FER1L6: variants seen among roughly 807,000 people sequenced by gnomAD.
FER1L6 encodes the protein fer-1-like protein 6.
A neutral mutation model predicts 219.2 loss-of-function variants in FER1L6; 177 were observed. That is an observed-to-expected ratio of 0.81 (90% CI 0.71 to 0.91). The LOEUF (loss-of-function observed/expected upper bound fraction) is 0.91, where lower values mean the gene tolerates loss of function less well. Among genes scored for constraint, FER1L6 ranks in the 40% least tolerant of loss-of-function variants. FER1L6 has a pLI of 0.00. For synonymous variants in FER1L6, 768 were observed against 824.3 expected, an observed-to-expected ratio of 0.93 and a Z score of 1.17; for missense variants, 2,153 against 2,259.9, an observed-to-expected ratio of 0.95 and a Z score of 0.96.
At chr8:124,054,619 A>G (rs1820198868) in intron 22 of FER1L6, among the ~76,000 whole-genome samples, 1 of 152,290 alleles carries the variant, frequency 6.6e-6, no homozygotes, top group South Asian at 2.1e-4. Flanking sequence ...CTCACATTTT[A>G]GCTGCATGGT....
Position 124,082,314 on chromosome 8 carries a change from CAA to C in FER1L6, c.4250_4251del (p.Lys1417ArgfsTer10). ...TCATTTGAGATCCAAGCCACATTCCCAAAAGAGTCCCTGCTCTCCATCCTGAT... is the reference window on the plus strand; with the variant it reads ...TCATTTGAGATCCAAGCCACATTCCCAAGAGTCCCTGCTCTCCATCCTGAT... On this transcript the variant is annotated frameshift_variant, in exon 33 of 41. Coordinates refer to ENST00000522917, the MANE Select transcript of FER1L6 (RefSeq NM_001039112.2). LOFTEE classifies it high-confidence loss of function. 1 of 1,613,426 alleles carries C rather than the reference CAA, an allele frequency of 6.2e-7. No homozygotes were observed. Among genetic ancestry groups the C allele is most frequent in the Non-Finnish European group, 8.5e-7 (1 of 1,179,680 alleles).
intron 1 of FER1L6, among the ~76,000 whole-genome samples, chr8:123,909,921 A>G (rs923243310): frequency 2.0e-5 from 3 of 152,206 alleles, no homozygotes; most frequent in East Asian, 1.9e-4. Flanking sequence ...TTCCTCATCA[A>G]TCAGGACTTT....
At chr8:124,035,578 T>C in intron 19 of FER1L6, 124 bp downstream of exon 19, 2 of 897,842 alleles carry the variant, frequency 2.2e-6, no homozygotes, top group South Asian at 1.9e-5. Context: ...ATTGGTCTTC[T>C]TAAGTAAAGT....
chr8:124,103,690 G>A (rs1488870413), intron 39 of FER1L6, among the ~76,000 whole-genome samples: 1 of 152,188 alleles, frequency 6.6e-6, no homozygotes, highest in Non-Finnish European at 1.5e-5. Flanking sequence ...AGCAGGAGAA[G>A]CCATTTATCC....
At chr8:124,080,957 TAC>T (rs1221865444) in intron 32 of FER1L6, among the ~76,000 whole-genome samples, 2 of 152,328 alleles carry the variant, frequency 1.3e-5, no homozygotes, top group African/African-American at 4.8e-5. Flanking sequence ...TTCTGTCAGT[TAC>T]AGTCACTGGA....
intron 31 of FER1L6, among the ~76,000 whole-genome samples, chr8:124,072,161 A>AGCAGGAAACT (rs1362600793): frequency 6.6e-6 from 1 of 152,228 alleles, no homozygotes. Flanking sequence ...ATAGGAGGGA[A>AGCAGGAAACT]GCAGGAAACT....
intron 1 of FER1L6, among the ~76,000 whole-genome samples, chr8:123,913,788 A>G (rs1299319106): frequency 6.6e-6 from 1 of 152,158 alleles, no homozygotes; most frequent in Non-Finnish European, 1.5e-5. Context: ...AACAAAATGC[A>G]ATTAAAAGTG....
chr8:123,898,771 G>A (rs147826440), intron 1 of FER1L6, among the ~76,000 whole-genome samples: 967 of 78,536 alleles, frequency 0.012, 45 homozygotes, highest in Admixed American at 0.087. Context: ...ATATATATGT[G>A]TATATATACG....
At chr8:123,974,461 C>G (rs933501191) in intron 7 of FER1L6, among the ~76,000 whole-genome samples, 1 of 151,640 alleles carries the variant, frequency 6.6e-6, no homozygotes, top group Non-Finnish European at 1.5e-5. Context: ...TATGGTGAAG[C>G]CCCATCTCTA....
At chr8:123,893,983 A>G (rs1295896827) in intron 1 of FER1L6, among the ~76,000 whole-genome samples, 1 of 152,194 alleles carries the variant, frequency 6.6e-6, no homozygotes, top group Non-Finnish European at 1.5e-5. Flanking sequence ...CTCAGCATGA[A>G]GCAGCCAGAA....
chr8:123,995,446 C>T (rs540054547), intron 12 of FER1L6, among the ~76,000 whole-genome samples: 2 of 152,190 alleles, frequency 1.3e-5, no homozygotes, highest in South Asian at 4.2e-4. Flanking sequence ...TCTAGGTTTT[C>T]CAATGTATTG....
intron 1 of FER1L6, among the ~76,000 whole-genome samples, chr8:123,894,331 A>G (rs183960822): frequency 6.6e-6 from 1 of 152,286 alleles, no homozygotes; most frequent in Admixed American, 6.5e-5. Flanking sequence ...TTGGTCAGGA[A>G]GATGGATTTG....
intron 1 of FER1L6, among the ~76,000 whole-genome samples, chr8:123,881,619 C>T (rs1246318165): frequency 6.6e-6 from 1 of 152,090 alleles, no homozygotes; most frequent in Non-Finnish European, 1.5e-5. Flanking sequence ...CATCCTTAGA[C>T]CCACACAAAG....
chr8:124,115,866 T>C (rs1823224145), intron 39 of FER1L6, among the ~76,000 whole-genome samples: 1 of 152,208 alleles, frequency 6.6e-6, no homozygotes, highest in Non-Finnish European at 1.5e-5. Context: ...TATTCACAAG[T>C]CCTATTCACT....
Position 123,932,398 on chromosome 8 carries a change from C to T in FER1L6, c.-7-23594C>T, listed in dbSNP as rs543911233. Among the ~76,000 whole-genome samples, 238 of 152,294 alleles carry T rather than the reference C, an allele frequency of 1.6e-3. 2 individuals are homozygous for T. The highest frequency in any genetic ancestry group is 5.2e-3 in the African/African-American group (215 of 41,544). Reference sequence around the variant, plus strand: ...TGCTGGGATTACAGGTGTGAGCCACCGTGCCAGGCTCCGTATTTATTCTTA... The same window carrying T: ...TGCTGGGATTACAGGTGTGAGCCACTGTGCCAGGCTCCGTATTTATTCTTA... On this transcript the variant is annotated intron_variant, in intron 1 of 40. Coordinates refer to ENST00000522917, the MANE Select transcript of FER1L6 (RefSeq NM_001039112.2).
intron 31 of FER1L6, among the ~76,000 whole-genome samples, chr8:124,073,371 T>C (rs2130879539): frequency 6.6e-6 from 1 of 152,336 alleles, no homozygotes; most frequent in Non-Finnish European, 1.5e-5. Context: ...AGTCAGAAGA[T>C]GGCAGTCCTA....
At chr8:124,045,624 CAT>C (rs1268244003) in intron 20 of FER1L6, 141 bp from the exon 21 acceptor site, 4 of 901,716 alleles carry the variant, frequency 4.4e-6, no homozygotes, top group Non-Finnish European at 6.9e-6. Context: ...GCTCAGTTTA[CAT>C]AGTCACTTGA....
At chr8:124,019,108 T>TCA (rs944747724) in intron 16 of FER1L6, among the ~76,000 whole-genome samples, 4 of 152,212 alleles carry the variant, frequency 2.6e-5, no homozygotes, top group Non-Finnish European at 5.9e-5. Context: ...CTGGGTTATC[T>TCA]CAATCATTCA....
chr8:124,020,980 T>C (rs1221729088), intron 16 of FER1L6, among the ~76,000 whole-genome samples: 1 of 152,086 alleles, frequency 6.6e-6, no homozygotes, highest in Non-Finnish European at 1.5e-5. Context: ...CAGTTCCACA[T>C]GGCTAAGAGG....
Sources: allele counts gnomAD v4.1 joint callset (sites outside exome capture counted in the v4.1 genomes callset), GRCh38; gene constraint gnomAD v4.1.1; transcripts MANE v1.5; gene names NCBI Gene and HGNC (gene_info 2026-07-23, HGNC 2026-07-21).